Variants in SEL1L2 observed in about 807,000 individuals in gnomAD.
SEL1L2 encodes the protein protein sel-1 homolog 2.
A neutral mutation model predicts 98.8 loss-of-function variants in SEL1L2; 89 were observed. The ratio of observed to expected loss-of-function variants is 0.90; its 90% CI spans 0.76 to 1.07. SEL1L2 has a LOEUF of 1.07. SEL1L2 is among the 50% of genes least tolerant of loss of function. The pLI, the probability that SEL1L2 is intolerant of heterozygous loss-of-function variation, is 0.00. For missense variants in SEL1L2, 788 were observed against 812.0 expected, an observed-to-expected ratio of 0.97 and a Z score of 0.36; for synonymous variants, 262 against 278.5, an observed-to-expected ratio of 0.94 and a Z score of 0.59.
intron 1 of SEL1L2, among the ~76,000 whole-genome samples, chr20:13,976,172 T>C (rs950479384): frequency 1.3e-5 from 2 of 152,058 alleles, no homozygotes; most frequent in African/African-American, 4.8e-5. Context: ...CAGCTAATTT[T>C]GGTATTTTTA....
chr20:13,860,212 A>G (rs918739115), intron 17 of SEL1L2, among the ~76,000 whole-genome samples: 4 of 151,824 alleles, frequency 2.6e-5, no homozygotes, highest in African/African-American at 9.7e-5. Context: ...ACAAAAATAA[A>G]CCCTCTCTTT....
At chr20:13,971,128 T>C (rs971566597) in intron 1 of SEL1L2, among the ~76,000 whole-genome samples, 2 of 151,954 alleles carry the variant, frequency 1.3e-5, no homozygotes, top group African/African-American at 2.4e-5. Flanking sequence ...TATCAGGCTC[T>C]TTTTTAAAAA....
intron 3 of SEL1L2, among the ~76,000 whole-genome samples, chr20:13,923,888 T>G (rs1352637359): frequency 1.3e-5 from 2 of 152,222 alleles, no homozygotes; most frequent in Non-Finnish European, 2.9e-5. Flanking sequence ...GTTTGCTGAA[T>G]CTACCAGTTT....
chr20:13,874,240 G>A (rs1372883339), intron 12 of SEL1L2, among the ~76,000 whole-genome samples: 1 of 152,180 alleles, frequency 6.6e-6, no homozygotes, highest in Non-Finnish European at 1.5e-5. Context: ...GTTGTAAAAT[G>A]TGTAGCTCTG....
chr20:13,981,265 G>T (rs1045063484), intron 1 of SEL1L2, among the ~76,000 whole-genome samples: 1 of 152,066 alleles, frequency 6.6e-6, no homozygotes, highest in Non-Finnish European at 1.5e-5. Context: ...AAGAAAGAAA[G>T]AAATAGAGAA....
chr20:13,948,172 G>T (rs939807430), intron 2 of SEL1L2, among the ~76,000 whole-genome samples: 5 of 152,072 alleles, frequency 3.3e-5, no homozygotes, highest in African/African-American at 1.2e-4. Flanking sequence ...ATATTTCTAA[G>T]ATGTCAATAC....
At chr20:13,907,698 TTCTCTTTC>T (rs2047999496) in intron 5 of SEL1L2, among the ~76,000 whole-genome samples, 1 of 124,282 alleles carries the variant, frequency 8.0e-6, no homozygotes, top group Non-Finnish European at 1.7e-5. Flanking sequence ...CTTTCTTTCT[TTCTCTTTC>T]TTTCTTTCTT....
At chr20:13,980,039 C>G (rs2051734368) in intron 1 of SEL1L2, among the ~76,000 whole-genome samples, 1 of 152,002 alleles carries the variant, frequency 6.6e-6, no homozygotes. Flanking sequence ...AAAAAATGGG[C>G]AAAAACCCTG....
intron 5 of SEL1L2, among the ~76,000 whole-genome samples, chr20:13,895,423 G>A (rs2047378686): frequency 6.8e-6 from 1 of 148,128 alleles, no homozygotes; most frequent in Admixed American, 6.8e-5. Flanking sequence ...ACTCCAGCCT[G>A]GGAAATAGAG....
intron 12 of SEL1L2, among the ~76,000 whole-genome samples, chr20:13,873,690 C>A (rs1385590597): frequency 6.6e-6 from 1 of 152,136 alleles, no homozygotes; most frequent in African/African-American, 2.4e-5. Context: ...ACTTTCTGGG[C>A]CAGAAAAGCC....
At chr20:13,908,523 G>A (rs1407015756) in intron 5 of SEL1L2, among the ~76,000 whole-genome samples, 3 of 152,158 alleles carry the variant, frequency 2.0e-5, no homozygotes, top group Non-Finnish European at 4.4e-5. Flanking sequence ...TAAGGAAAGA[G>A]TGAGTCTTTA....
intron 12 of SEL1L2, among the ~76,000 whole-genome samples, chr20:13,873,104 C>T (rs774816796): frequency 1.3e-4 from 20 of 151,364 alleles, no homozygotes; most frequent in South Asian, 6.3e-4. Context: ...GAGTTTCATG[C>T]CTCAGCCTCC....
At chr20:13,864,114 T>C (rs1355752666) in intron 17 of SEL1L2, among the ~76,000 whole-genome samples, 2 of 152,224 alleles carry the variant, frequency 1.3e-5, no homozygotes, top group South Asian at 4.1e-4. Flanking sequence ...GTAATTGAGC[T>C]GACTGGCCAT....
intron 5 of SEL1L2, among the ~76,000 whole-genome samples, chr20:13,891,663 CAAAAAAAAAAAA>C (rs61545047): frequency 2.7e-5 from 2 of 74,224 alleles, no homozygotes; most frequent in Middle Eastern, 8.3e-3. Context: ...AAGACTCCAT[CAAAAAAAAAAAA>C]AAAAAAAAAA....
chr20:13,990,649 T>C, upstream of SEL1L2: 1 of 775,230 alleles, frequency 1.3e-6, no homozygotes, highest in Non-Finnish European at 2.2e-6. Flanking sequence ...TAAGCAACCA[T>C]TTCCTTACTC....
At chr20:13,990,827 A>C (rs931088085), upstream of SEL1L2, among the ~76,000 whole-genome samples, 1 of 152,124 alleles carries the variant, frequency 6.6e-6, no homozygotes, top group Admixed American at 6.6e-5. Flanking sequence ...CAGAAGTCCG[A>C]CTCGTACGTG....
intron 1 of SEL1L2, among the ~76,000 whole-genome samples, chr20:13,973,627 C>A (rs976987467): frequency 3.3e-5 from 5 of 152,214 alleles, no homozygotes; most frequent in Admixed American, 3.3e-4. Flanking sequence ...CAAATGCCGA[C>A]CACAAATGCT....
At chr20:13,891,473 C>T (rs1191524827) in intron 5 of SEL1L2, among the ~76,000 whole-genome samples, 4 of 151,986 alleles carry the variant, frequency 2.6e-5, no homozygotes, top group Non-Finnish European at 5.9e-5. Flanking sequence ...TTGAGACCCT[C>T]CTGGCCAACA....
At position 13,932,757 on chromosome 20, in the gene SEL1L2, AG is replaced by A. The variant is rs1261191887; in HGVS notation, c.115-987del. Among the ~76,000 whole-genome samples, 6 of 152,108 alleles carry A rather than the reference AG, an allele frequency of 3.9e-5. No individual in the cohort carries two copies. In the East Asian group the frequency reaches 1.2e-3, roughly 29 times the overall value. ...TTTTTGTGAATTACTACTTCTAAGA[AG>A]AGTCAAGACTTTTTGTTTGCTTTTT... is the stretch of plus-strand genomic sequence containing the variant. On this transcript the variant is annotated intron_variant, in intron 2 of 19. Coordinates refer to ENST00000284951, the MANE Select transcript of SEL1L2 (RefSeq NM_025229.2).
Sources: allele counts gnomAD v4.1 joint callset (sites outside exome capture counted in the v4.1 genomes callset), GRCh38; gene constraint gnomAD v4.1.1; transcripts MANE v1.5; gene names NCBI Gene and HGNC (gene_info 2026-07-23, HGNC 2026-07-21).